LPXN: variants seen among roughly 807,000 people sequenced by gnomAD.
LPXN encodes the protein leupaxin.
Under a neutral mutation model 45.6 loss-of-function variants are expected in LPXN, and 28 were observed. That is an observed-to-expected ratio of 0.61 (90% confidence interval 0.45 to 0.84). The LOEUF is 0.84. LPXN is among the 40% of genes least tolerant of loss of function. The probability of loss-of-function intolerance (pLI) is 0.00; values close to 1 mark genes in which losing one functional copy is unlikely to be tolerated. For synonymous variants in LPXN, 166 were observed against 169.9 expected, an observed-to-expected ratio of 0.98 and a Z score of 0.18; for missense variants, 459 against 475.0, an observed-to-expected ratio of 0.97 and a Z score of 0.31.
intron 2 of LPXN, among the ~76,000 whole-genome samples, chr11:58,569,311 G>T (rs1470946318): frequency 2.0e-5 from 3 of 152,094 alleles, no homozygotes; most frequent in Non-Finnish European, 2.9e-5. Context: ...CATAGGAAGA[G>T]AATGCATATA....
chr11:58,570,560 A>G lies in LPXN; in HGVS notation c.167T>C (p.Leu56Ser), dbSNP rs1248542354. ...CTATAATAAATGAAAATTTACCGGC[A>G]AGGGACTTGTGTTATCCTGAATAGA... ...ILSIQDNTSP[L>S]PAQLVYTTNI... is the part of the protein sequence containing the mutation. Residue 56 changes from leucine to serine, a missense_variant, in exon 2 of 9, where the codon TTG (leucine) becomes TCG (serine). By Grantham distance (145) the Leu-to-Ser change is moderately radical (BLOSUM62 -2). Transcript: ENST00000395074. 6.2e-7 allele frequency: 1 copy of G among 1,606,062 alleles called. No individual in the cohort carries two copies. The highest frequency in any genetic ancestry group is 1.1e-5 in the South Asian group (1 of 90,014).
chr11:58,540,932 A>G, intron 7 of LPXN, among the ~76,000 whole-genome samples: 1 of 152,206 alleles, frequency 6.6e-6, no homozygotes, highest in South Asian at 2.1e-4. Flanking sequence ...AAAAACAAGC[A>G]ATGGGGAAGG....
chr11:58,528,314 C>A (rs1163055579), intron 7 of LPXN, 123 bp from the exon 8 acceptor site: 4 of 883,938 alleles, frequency 4.5e-6, no homozygotes, highest in Non-Finnish European at 7.1e-6. Flanking sequence ...TTACTGTTAC[C>A]TAATTCAAAG....
At chr11:58,530,002 G>GC (rs1159643342) in intron 7 of LPXN, among the ~76,000 whole-genome samples, 1 of 152,198 alleles carries the variant, frequency 6.6e-6, no homozygotes, top group African/African-American at 2.4e-5. Flanking sequence ...GTGCACTCCG[G>GC]CCCAGATACT....
At chr11:58,532,248 G>T (rs1006158084) in intron 7 of LPXN, among the ~76,000 whole-genome samples, 1 of 152,222 alleles carries the variant, frequency 6.6e-6, no homozygotes, top group African/African-American at 2.4e-5. Context: ...CTCCCATGCA[G>T]CCCAAGCCTC....
chr11:58,533,610 A>G (rs530041725), intron 7 of LPXN, among the ~76,000 whole-genome samples: 1 of 152,308 alleles, frequency 6.6e-6, no homozygotes, highest in South Asian at 2.1e-4. Context: ...GAAACTGTTC[A>G]TAACAGTTCT....
At chr11:58,551,765 C>A (rs1854057380) in intron 4 of LPXN, among the ~76,000 whole-genome samples, 1 of 152,100 alleles carries the variant, frequency 6.6e-6, no homozygotes, top group South Asian at 2.1e-4. Flanking sequence ...AGAAGGGACA[C>A]AGCAAGATGG....
chr11:58,561,197 C>T (rs1854364584), intron 3 of LPXN, among the ~76,000 whole-genome samples: 1 of 152,096 alleles, frequency 6.6e-6, no homozygotes, highest in Non-Finnish European at 1.5e-5. Flanking sequence ...CTGTCTTTCA[C>T]TTAATATATT....
In LPXN at chr11:58,564,135, T is replaced by C. The variant is rs764716499; in HGVS notation, c.218+20A>G. 6.0e-6 allele frequency: 9 copies of C among 1,508,460 alleles called. No homozygotes were observed. Among genetic ancestry groups the C allele is most frequent in the Middle Eastern group, 1.8e-4 (1 of 5,680 alleles). The allele number at this position is 1,508,460 out of a possible 1,614,324, so 93.4% of individuals were successfully genotyped here. On this transcript the variant is annotated intron_variant, in intron 3 of 8. Coordinates refer to ENST00000395074, the MANE Select transcript of LPXN (RefSeq NM_004811.3). ...CTACTAACTTTAATTTTTAAAAGCATTTAATAGAAAAAAAAATACCTGTAG... is the reference window on the plus strand; with the variant it reads ...CTACTAACTTTAATTTTTAAAAGCACTTAATAGAAAAAAAAATACCTGTAG...
At chr11:58,553,540 C>T (rs1854115026) in intron 4 of LPXN, among the ~76,000 whole-genome samples, 1 of 152,040 alleles carries the variant, frequency 6.6e-6, no homozygotes, top group Non-Finnish European at 1.5e-5. Flanking sequence ...TTAAGGAAAA[C>T]TTGTTTGTGA....
chr11:58,531,532 A>C lies in LPXN; in HGVS notation c.743-3341T>G, dbSNP rs377408688. ...AAAAAAGAATGAAAAGGAATGAATA[A>C]AGCCTCCAAGAAATATGGGACTATG... On this transcript the variant is annotated intron_variant, in intron 7 of 8. Transcript: ENST00000395074. Among the ~76,000 whole-genome samples the C allele has an allele frequency of 7.9e-5, 12 of 152,210 alleles. No homozygotes were observed. The South Asian group carries it at 1.2e-3, about 16-fold the overall frequency.
At chr11:58,577,875 G>A (rs1854951548), upstream of LPXN, 4 of 980,554 alleles carry the variant, frequency 4.1e-6, no homozygotes, top group Middle Eastern at 2.4e-4. Flanking sequence ...TAGTAGAAAA[G>A]CAACTTTATA....
At chr11:58,538,362 T>C (rs988708839) in intron 7 of LPXN, among the ~76,000 whole-genome samples, 1 of 152,088 alleles carries the variant, frequency 6.6e-6, no homozygotes, top group African/African-American at 2.4e-5. Context: ...ACTTCCACAA[T>C]GGTTGAACTA....
rs780089066 is a variant in LPXN, at chr11:58,551,276, AT to A, written c.319-45del. ...CAAGAACAGAATCAGCCTCATTTTT[AT>A]TCTCATTGGCATCTTCTAATGACTC... is the stretch of plus-strand genomic sequence containing the variant. On this transcript the variant is annotated intron_variant, in intron 4 of 8. Transcript: ENST00000395074. 7.9e-6 allele frequency: 12 copies of A among 1,521,072 alleles called. No individual in the cohort carries two copies. In the East Asian group the frequency reaches 3.0e-4, roughly 38 times the overall value. 94.2% of individuals were successfully genotyped at this position (1,521,072 alleles called of 1,614,324 possible). A position where few individuals can be genotyped will look rare whatever the true frequency, so the allele number is the denominator to read the frequency against.
At chr11:58,575,942 T>G, upstream of LPXN, 2 of 1,210,504 alleles carry the variant, frequency 1.7e-6, no homozygotes, top group African/African-American at 3.2e-5. Context: ...TTGGTGAGCT[T>G]TTTTTTTTTT....
chr11:58,540,962 G>T (rs1054061905), intron 7 of LPXN, among the ~76,000 whole-genome samples: 1 of 152,094 alleles, frequency 6.6e-6, no homozygotes, highest in African/African-American at 2.4e-5. Flanking sequence ...TTAATAAATG[G>T]TGCTGGGAAA....
rs764050532 is a variant in LPXN at position 58,551,077 on chromosome 11, C to A, written c.474G>T (p.Pro158=). The change falls in exon 5 of 9, where the codon CCG becomes CCT. Residue 158 remains proline, a synonymous_variant. Transcript: ENST00000395074. ...CAGCCCATCTCACCTTCCCAGCAAT[C>A]GGTTTCTGGCAGGATGCACAATGGC... ...PKGHCASCQK[P]IAGKVIHALG... 6.4e-7 allele frequency: 1 copy of A among 1,571,162 alleles called. No homozygotes were observed. Among genetic ancestry groups the A allele is most frequent in the Non-Finnish European group, 8.6e-7 (1 of 1,160,140 alleles).
chr11:58,554,005 G>A (rs1206772112), intron 4 of LPXN: 1 of 152,438 alleles, frequency 6.6e-6, no homozygotes, highest in Non-Finnish European at 1.5e-5. Context: ...GTCCTGCTTA[G>A]TCAGGTCTCT....
intron 1 of LPXN, among the ~76,000 whole-genome samples, chr11:58,572,294 T>G (rs1854729782): frequency 6.6e-6 from 1 of 152,186 alleles, no homozygotes; most frequent in Non-Finnish European, 1.5e-5. Context: ...AATCCTTTTT[T>G]TTTTAACAAA....
Sources: allele counts gnomAD v4.1 joint callset (sites outside exome capture counted in the v4.1 genomes callset), GRCh38; gene constraint gnomAD v4.1.1; transcripts MANE v1.5; gene names NCBI Gene and HGNC (gene_info 2026-07-23, HGNC 2026-07-21).